The following CEP170 variants were observed in gnomAD, a reference collection of about 807,000 sequenced individuals.
The protein encoded by CEP170 is centrosomal protein 170, also known as centrosomal protein of 170 kDa.
Under a neutral mutation model 151.9 loss-of-function variants are expected in CEP170, and 21 were observed. The ratio of observed to expected loss-of-function variants is 0.14; its 90% CI spans 0.10 to 0.20. The LOEUF (loss-of-function observed/expected upper bound fraction) is 0.20. Ranked by LOEUF, CEP170 falls within the 10% of genes least tolerant of loss-of-function variation. The pLI is 1.00. For synonymous variants in CEP170, 356 were observed against 648.8 expected (o/e 0.55, Z 6.86); for missense variants, 964 against 1,892.9 (o/e 0.51, Z 9.11).
chr1:243,153,814 T>C (rs1237643158), intron 14 of CEP170, among the ~76,000 whole-genome samples: 1 of 152,240 alleles, frequency 6.6e-6, no homozygotes, highest in Non-Finnish European at 1.5e-5. Flanking sequence ...GGTGTTACTG[T>C]AGATAATCTT....
chr1:243,220,413 A>G (rs2062690907), intron 3 of CEP170, among the ~76,000 whole-genome samples: 1 of 152,218 alleles, frequency 6.6e-6, no homozygotes, highest in African/African-American at 2.4e-5. Flanking sequence ...CTTTGAGAAA[A>G]AAAAATGCTT....
At chr1:243,163,314 C>G (rs1474319814) in intron 13 of CEP170, 1 of 152,226 alleles carries the variant, frequency 6.6e-6, no homozygotes, top group East Asian at 1.9e-4. Context: ...ATCTTCATGT[C>G]CGTTGTAACA....
At chr1:243,230,888 C>T (rs1216798742) in intron 1 of CEP170, among the ~76,000 whole-genome samples, 1 of 152,060 alleles carries the variant, frequency 6.6e-6, no homozygotes, top group African/African-American at 2.4e-5. Context: ...ATCCTAGAAG[C>T]TCAATAAACT....
chr1:243,227,955 AC>A (rs2063439842), intron 1 of CEP170, among the ~76,000 whole-genome samples: 1 of 152,144 alleles, frequency 6.6e-6, no homozygotes, highest in Non-Finnish European at 1.5e-5. Context: ...ATTCTGCATG[AC>A]CTTAGGCTAG....
rs1400318837 is a variant in CEP170 at position 243,223,091 on chromosome 1, C to T, written c.106-1278G>A. Among the ~76,000 whole-genome samples the T allele has an allele frequency of 2.6e-5, 4 of 152,184 alleles. No homozygotes were observed. In the East Asian group the frequency reaches 7.7e-4, roughly 29 times the overall value. The stretch of plus-strand genomic sequence containing the variant: ...CAAGAAGCAACAACGCACCACTCAG[C>T]AAAATAATTTCACCATATTGTTGAT... On this transcript the variant is annotated intron_variant, in intron 2 of 19. Transcript: ENST00000366542.
chr1:243,210,379 C>T (rs1313571617), intron 4 of CEP170, among the ~76,000 whole-genome samples: 13 of 151,914 alleles, frequency 8.6e-5, no homozygotes, highest in Non-Finnish European at 1.6e-4. Context: ...CTTGATGAAA[C>T]TTAGGCTGGT....
At chr1:243,139,445 T>C (rs1683056260) in intron 16 of CEP170, among the ~76,000 whole-genome samples, 1 of 152,122 alleles carries the variant, frequency 6.6e-6, no homozygotes, top group Admixed American at 6.5e-5. Flanking sequence ...TTATATATAC[T>C]GTATACTAAT....
chr1:243,227,820 C>CG (rs1270035527), intron 1 of CEP170, among the ~76,000 whole-genome samples: 17 of 152,064 alleles, frequency 1.1e-4, no homozygotes, highest in Admixed American at 1.1e-3. Context: ...TAAGGTTTAC[C>CG]GAAGGCCTTT....
intron 7 of CEP170, among the ~76,000 whole-genome samples, chr1:243,198,623 A>G (rs1331067689): frequency 1.3e-5 from 2 of 152,260 alleles, no homozygotes; most frequent in Middle Eastern, 3.4e-3. Context: ...CCTGGGCAAC[A>G]CAGTGTGATC....
At chr1:243,159,506 T>A (rs2057864816) in intron 13 of CEP170, among the ~76,000 whole-genome samples, 1 of 152,218 alleles carries the variant, frequency 6.6e-6, no homozygotes, top group Admixed American at 6.5e-5. Flanking sequence ...AAATTCCCTA[T>A]CACCTGCTAA....
chr1:243,221,418 C>T (rs1234843650), intron 3 of CEP170: 2 of 287,694 alleles, frequency 7.0e-6, no homozygotes, highest in Non-Finnish European at 1.3e-5. Context: ...TACCGTTTTC[C>T]CTCATATAAA....
intron 3 of CEP170, among the ~76,000 whole-genome samples, chr1:243,218,159 C>T (rs1249692757): frequency 6.6e-6 from 1 of 152,010 alleles, no homozygotes; most frequent in Non-Finnish European, 1.5e-5. Flanking sequence ...GCCTCCTCTC[C>T]TTCCCTAACC....
In CEP170 at chr1:243,126,078, G is replaced by A. The variant is rs1303704175; in HGVS notation, c.*371C>T. 2.2e-6 allele frequency: 1 copy of A among 460,396 alleles called. No homozygotes were observed. The highest frequency in any genetic ancestry group is 2.0e-5 in the African/African-American group (1 of 50,210). 28.5% of individuals were successfully genotyped at this position (460,396 alleles called of 1,614,324 possible). The stretch of plus-strand genomic sequence containing the variant: ...CATTTCAGGGAGCAGCTTGGCACAG[G>A]AGACTTAGGGGTTCAGAAATGTTGG... On this transcript the variant is annotated 3_prime_UTR_variant, in exon 20 of 20. Transcript: ENST00000366542.
At chr1:243,252,659 T>C (rs575865749) in intron 1 of CEP170, among the ~76,000 whole-genome samples, 5 of 152,226 alleles carry the variant, frequency 3.3e-5, no homozygotes, top group African/African-American at 4.8e-5. Context: ...GGCAGATTAT[T>C]TCCATACAAA....
At chr1:243,156,634 A>G in intron 13 of CEP170, 179 bp from the exon 14 acceptor site, 1 of 497,602 alleles carries the variant, frequency 2.0e-6, no homozygotes, top group Non-Finnish European at 3.4e-6. Context: ...GAAACATTAC[A>G]CTTCGGTGAA....
Position 243,222,585 on chromosome 1 carries a change from AC to A in CEP170, c.106-773del, listed in dbSNP as rs2062911966. Among the ~76,000 whole-genome samples, 34 of 152,318 alleles carry A rather than the reference AC, an allele frequency of 2.2e-4. No individual in the cohort carries two copies. In the South Asian group the frequency reaches 6.8e-3, roughly 31 times the overall value. Reference sequence around the variant, plus strand: ...TGAACCAGTGAATCTGAACTTGATCACCATGTATTACGGGGTTACTGTGTGA... The same window carrying A: ...TGAACCAGTGAATCTGAACTTGATCACATGTATTACGGGGTTACTGTGTGA... On this transcript the variant is annotated intron_variant, in intron 2 of 19. Coordinates refer to ENST00000366542, the MANE Select transcript of CEP170 (RefSeq NM_014812.3).
intron 14 of CEP170, among the ~76,000 whole-genome samples, chr1:243,146,084 A>G (rs1227031003): frequency 6.6e-6 from 1 of 152,260 alleles, no homozygotes; most frequent in Non-Finnish European, 1.5e-5. Flanking sequence ...ATGGAAAATC[A>G]AACACCACAT....
rs147864488 is a variant in CEP170 at position 243,230,213 on chromosome 1, G to A, written c.-41-4892C>T. Among the ~76,000 whole-genome samples, 1,005 of 151,970 alleles carry A rather than the reference G, an allele frequency of 6.6e-3. 13 individuals carry two copies. Among genetic ancestry groups the A allele is most frequent in the African/African-American group, 0.023 (963 of 41,450 alleles). On this transcript the variant is annotated intron_variant, in intron 1 of 19. Transcript: ENST00000366542. ...GAAAAATAAAAAAAAAAATAGCTGG[G>A]CATGGTGGCATCCAGGAGGTTGAAG...
At chr1:243,213,632 T>C (rs2062011325) in intron 3 of CEP170, among the ~76,000 whole-genome samples, 1 of 152,170 alleles carries the variant, frequency 6.6e-6, no homozygotes, top group Admixed American at 6.5e-5. Context: ...AAAAGAAATT[T>C]TCATCTAGTT....
Sources: allele counts gnomAD v4.1 joint callset (sites outside exome capture counted in the v4.1 genomes callset), GRCh38; gene constraint gnomAD v4.1.1; transcripts MANE v1.5; gene names NCBI Gene and HGNC (gene_info 2026-07-23, HGNC 2026-07-21).